PCDHA8: variants seen among roughly 807,000 people sequenced by gnomAD.
PCDHA8 encodes the protein protocadherin alpha-8.
A neutral mutation model predicts 61.8 loss-of-function variants in PCDHA8; 53 were observed. That is an observed-to-expected ratio of 0.86 (90% confidence interval 0.69 to 1.08). The LOEUF is 1.08. Ranked by LOEUF, PCDHA8 falls within the 50% of genes least tolerant of loss-of-function variation. PCDHA8 has a pLI of 0.00. For synonymous variants in PCDHA8, 618 were observed against 556.6 expected (o/e 1.11, Z -1.55); for missense variants, 1,293 against 1,245.0 (o/e 1.04, Z -0.58).
At position 140,845,521 on chromosome 5, in the gene PCDHA8, A is replaced by G. The variant is rs1275261867; in HGVS notation, c.2394+1806A>G. Among the ~76,000 whole-genome samples, 5 of 149,702 alleles carry G rather than the reference A, an allele frequency of 3.3e-5. No homozygotes were observed. In the East Asian group the frequency reaches 9.7e-4, roughly 29 times the overall value. ...GTCTAAACCTATTTCTTGTACATTA[A>G]TACTTTTCACTATTCTAATTATGGT... On this transcript the variant is annotated intron_variant, in intron 1 of 3. Transcript: ENST00000531613.
intron 1 of PCDHA8, chr5:140,868,910 T>C: frequency 2.3e-6 from 2 of 888,770 alleles, no homozygotes; most frequent in South Asian, 3.8e-5. Flanking sequence ...GCTCTTTACT[T>C]GGTGGAAAGT....
chr5:140,954,824 C>A (rs1167171102), intron 1 of PCDHA8, among the ~76,000 whole-genome samples: 1 of 152,068 alleles, frequency 6.6e-6, no homozygotes, highest in Admixed American at 6.6e-5. Flanking sequence ...GCTTTAGGCA[C>A]TTTTGTCATG....
At chr5:141,000,347 C>T (rs1587871994) in intron 3 of PCDHA8, among the ~76,000 whole-genome samples, 1 of 114,796 alleles carries the variant, frequency 8.7e-6, no homozygotes, top group Non-Finnish European at 1.8e-5. Flanking sequence ...CTATCTCTCT[C>T]TCTGTCTCTC....
chr5:140,884,240 G>A (rs139927854), intron 1 of PCDHA8: 5 of 1,613,368 alleles, frequency 3.1e-6, no homozygotes, highest in African/African-American at 1.3e-5. Context: ...CGGTGAGCCC[G>A]CGCTGACGGC....
chr5:140,850,912 T>G (rs2150501930), intron 1 of PCDHA8: 2 of 1,541,844 alleles, frequency 1.3e-6, no homozygotes, highest in South Asian at 2.5e-5. Context: ...AGCATTTTAT[T>G]TATTTATATA....
At chr5:140,951,682 C>T (rs1327606119) in intron 1 of PCDHA8, among the ~76,000 whole-genome samples, 1 of 152,146 alleles carries the variant, frequency 6.6e-6, no homozygotes, top group East Asian at 1.9e-4. Flanking sequence ...TTGGGGATTA[C>T]AATGTGACAT....
In PCDHA8 at chr5:140,929,760, G is replaced by A. The variant is rs139688975; in HGVS notation, c.2395-49189G>A. 1,459 of 180,340 alleles carry A rather than the reference G, an allele frequency of 8.1e-3. 10 individuals carry two copies. Among genetic ancestry groups the A allele is most frequent in the African/African-American group, 0.019 (807 of 42,220 alleles). The allele number at this position is 180,340 out of a possible 1,614,324, so 11.2% of individuals were successfully genotyped here. A position where few individuals can be genotyped will look rare whatever the true frequency, so the allele number is the denominator to read the frequency against. Reference sequence around the variant, plus strand: ...TTGCAATGCATTATTAAAAGATGACGATAACCACAAAAGATGTAAAAATAA... The same window carrying A: ...TTGCAATGCATTATTAAAAGATGACAATAACCACAAAAGATGTAAAAATAA... On this transcript the variant is annotated intron_variant, in intron 1 of 3. Transcript: ENST00000531613.
chr5:140,916,492 C>T (rs1310558218), intron 1 of PCDHA8, among the ~76,000 whole-genome samples: 2 of 152,170 alleles, frequency 1.3e-5, no homozygotes, highest in Admixed American at 6.5e-5. Context: ...GCTCTTTAGT[C>T]AGCAGGTGAT....
chr5:140,843,656 G>C lies in PCDHA8; in HGVS notation c.2335G>C (p.Asp779His), dbSNP rs1294872443. 3 of 1,594,636 alleles carry C rather than the reference G, an allele frequency of 1.9e-6. No homozygotes were observed. Among genetic ancestry groups the C allele is most frequent in the Non-Finnish European group, 2.6e-6 (3 of 1,164,368 alleles). Residue 779 changes from aspartate (D) to histidine (H), a missense_variant, in exon 1 of 4, where the codon GAT (aspartate) becomes CAT (histidine). By Grantham distance (81) the Asp-to-His change is moderately conservative. Transcript: ENST00000531613. ...LMAFSPCLPP[D>H]LGSVDVGEEQ... is the part of the protein sequence containing the mutation. ...GGCCTTCAGCCCCTGCCTTCCTCCT[G>C]ATCTGGGATCAGTTGATGTAGGCGA...
intron 1 of PCDHA8, among the ~76,000 whole-genome samples, chr5:140,915,326 T>C (rs2077071352): frequency 6.6e-6 from 1 of 152,196 alleles, no homozygotes; most frequent in Non-Finnish European, 1.5e-5. Flanking sequence ...TACAGTGTTA[T>C]AATATTCTGT....
In PCDHA8 at chr5:140,841,710, C is replaced by G. The variant is rs2150321322; in HGVS notation, c.389C>G (p.Pro130Arg). Reference sequence around the variant, plus strand: ...GAGGTGAAGGATGTTAATGACAACCCGCCAGTGTTCCGGGTAAAAGACCAA... The same window carrying G: ...GAGGTGAAGGATGTTAATGACAACCGGCCAGTGTTCCGGGTAAAAGACCAA... ...DVEVKDVNDN[P>R]PVFRVKDQKL... The change falls in exon 1 of 4, where the codon CCG (proline) becomes CGG (arginine). Residue 130 changes from proline to arginine, a missense_variant. Pro to Arg is a moderately radical substitution (Grantham distance 103). Transcript: ENST00000531613. The G allele has an allele frequency of 1.2e-6, 2 of 1,613,856 alleles. No homozygotes were observed. The highest frequency in any genetic ancestry group is 1.3e-5 in the African/African-American group (1 of 74,974).
intron 1 of PCDHA8, chr5:140,877,939 A>G (rs2057403639): frequency 7.2e-7 from 1 of 1,379,672 alleles, no homozygotes. Context: ...TCTATCCTTT[A>G]AACTATCGAA....
At chr5:140,936,433 G>A (rs907839925) in intron 1 of PCDHA8, among the ~76,000 whole-genome samples, 4 of 152,126 alleles carry the variant, frequency 2.6e-5, no homozygotes, top group Admixed American at 2.6e-4. Flanking sequence ...ATTAATTTAA[G>A]CTTAAATAAC....
intron 1 of PCDHA8, chr5:140,862,219 T>C: frequency 4.8e-6 from 1 of 206,310 alleles, no homozygotes; most frequent in Non-Finnish European, 9.9e-6. Flanking sequence ...ACAGACTTGA[T>C]AGAAGTCTTG....
intron 1 of PCDHA8, chr5:140,850,598 C>T (rs1358773904): frequency 1.9e-6 from 3 of 1,598,576 alleles, no homozygotes; most frequent in Middle Eastern, 1.7e-4. Context: ...TGTACCTGAT[C>T]ATCGCCATCT....
chr5:140,858,178 G>A (rs887914398), intron 1 of PCDHA8: 1 of 1,597,564 alleles, frequency 6.3e-7, no homozygotes, highest in East Asian at 2.2e-5. Flanking sequence ...GCTTGCTGGT[G>A]CTCACGCTGC....
At position 140,856,900 on chromosome 5, in the gene PCDHA8, C is replaced by T. The variant is rs782598308; in HGVS notation, c.2394+13185C>T. On this transcript the variant is annotated intron_variant, in intron 1 of 3. Coordinates refer to ENST00000531613, the MANE Select transcript of PCDHA8 (RefSeq NM_018911.3). ...TGATGTATTCATTTAGCTCTTTGGT[C>T]CCACCCACGATAAGAAGGAAATTTT... The T allele has an allele frequency of 1.0e-5, 16 of 1,596,132 alleles. No homozygotes were observed. In the East Asian group the frequency reaches 2.7e-4, roughly 27 times the overall value.
intron 1 of PCDHA8, among the ~76,000 whole-genome samples, chr5:140,895,655 A>G (rs2065093360): frequency 6.6e-6 from 1 of 152,154 alleles, no homozygotes. Context: ...TCCCACTTAT[A>G]AGTGAGAACA....
chr5:140,902,207 T>C (rs949937318), intron 1 of PCDHA8, among the ~76,000 whole-genome samples: 8 of 148,564 alleles, frequency 5.4e-5, no homozygotes, highest in South Asian at 4.3e-4. Flanking sequence ...CTCTTTCTTT[T>C]TTTTTTTTTT....
Sources: gnomAD v4.1 joint callset for allele counts (sites outside exome capture counted in the v4.1 genomes callset) on GRCh38, gnomAD v4.1.1 for gene constraint, MANE v1.5 for transcripts, NCBI Gene and HGNC (gene_info 2026-07-23, HGNC 2026-07-21) for gene names.